Variants in RORA observed in about 807,000 individuals in gnomAD.
The protein encoded by RORA is RAR related orphan receptor A.
Under a neutral mutation model 69.5 loss-of-function variants are expected in RORA, and 7 were observed. The ratio of observed to expected loss-of-function variants is 0.10; its 90% CI spans 0.06 to 0.19. The LOEUF (loss-of-function observed/expected upper bound fraction) is 0.19, where lower values mean the gene tolerates loss of function less well. RORA is among the 10% of genes least tolerant of loss of function. The pLI is 1.00. For synonymous variants in RORA, 261 were observed against 240.8 expected (o/e 1.08, Z -0.78); for missense variants, 457 against 663.0 (o/e 0.69, Z 3.41).
intron 1 of RORA, among the ~76,000 whole-genome samples, chr15:60,906,745 G>A (rs898398913): frequency 5.9e-5 from 9 of 152,182 alleles, no homozygotes; most frequent in East Asian, 5.8e-4. Flanking sequence ...TGGATACTAC[G>A]GCCACGGTGG....
rs369406857 is a variant in RORA at position 60,572,164 on chromosome 15, A to G, written c.197-40313T>C. Among the ~76,000 whole-genome samples the G allele has an allele frequency of 1.4e-4, 21 of 152,348 alleles. No homozygotes were observed. In the East Asian group the frequency reaches 1.7e-3, roughly 13 times the overall value. ...TTTGGGAGCCTTACAATTACATAGC[A>G]AAGTTGAGTAGCTTTAAATGTAGAA... On this transcript the variant is annotated intron_variant, in intron 2 of 10. Coordinates refer to ENST00000335670, the MANE Select transcript of RORA (RefSeq NM_134261.3).
chr15:60,881,582 C>T (rs1452782726), intron 1 of RORA, among the ~76,000 whole-genome samples: 1 of 152,078 alleles, frequency 6.6e-6, no homozygotes, highest in Non-Finnish European at 1.5e-5. Flanking sequence ...TTTAGTAAAC[C>T]TCTAGCCTTT....
chr15:60,509,334 T>C (rs11071540), intron 5 of RORA, among the ~76,000 whole-genome samples: 148,588 of 152,296 alleles, frequency 0.98, 72,583 homozygotes, highest in Middle Eastern at 1. Context: ...TTAATTTATC[T>C]TGGTAAATAC....
chr15:60,575,240 T>C (rs2067992127), intron 2 of RORA, among the ~76,000 whole-genome samples: 1 of 152,230 alleles, frequency 6.6e-6, no homozygotes, highest in African/African-American at 2.4e-5. Flanking sequence ...CATCGTCTGA[T>C]TCACTTTTTC....
At chr15:60,816,961 A>AAAGCTATTTTT in intron 1 of RORA, among the ~76,000 whole-genome samples, 1 of 152,188 alleles carries the variant, frequency 6.6e-6, no homozygotes, top group African/African-American at 2.4e-5. Context: ...CTTTGTTATG[A>AAAGCTATTTTT]TTGCCATTTG....
chr15:60,931,045 T>C (rs569730863), intron 1 of RORA, among the ~76,000 whole-genome samples: 1 of 152,292 alleles, frequency 6.6e-6, no homozygotes, highest in African/African-American at 2.4e-5. Context: ...AAATGTGTAT[T>C]TTAAATGGCA....
chr15:60,547,945 C>T (rs1300927155), intron 2 of RORA: 1 of 152,184 alleles, frequency 6.6e-6, no homozygotes. Context: ...TACCTAATAA[C>T]ATAAATGACT....
At position 60,502,822 on chromosome 15, in the gene RORA, G is replaced by A. The variant is rs1191219556; in HGVS notation, c.1121C>T (p.Ser374Phe). Residue 374 changes from serine to phenylalanine, a missense_variant, in exon 8 of 11, where the codon TCT (serine) becomes TTT (phenylalanine). Ser to Phe is a radical substitution (Grantham distance 155). This residue lies in a region of RORA where 304 missense variants were observed against 447.4 expected (regional missense o/e 0.68). Transcript: ENST00000335670. The stretch of plus-strand genomic sequence containing the variant: ...ATCAAAGTACACGGTGTTGTTCTGA[G>A]AGTCAAAGGCACGGCACATTCTGAT... ...VFIRMCRAFD[S>F]QNNTVYFDGK... is the part of the protein sequence containing the mutation. 6.2e-7 allele frequency: 1 copy of A among 1,614,044 alleles called. No homozygotes were observed. The highest frequency in any genetic ancestry group is 8.5e-7 in the Non-Finnish European group (1 of 1,179,918).
At chr15:61,143,241 T>TA (rs1037946263) in intron 1 of RORA, among the ~76,000 whole-genome samples, 1 of 151,902 alleles carries the variant, frequency 6.6e-6, no homozygotes, top group Non-Finnish European at 1.5e-5. Flanking sequence ...GGCATATATT[T>TA]AAAAAAATAA....
At chr15:60,727,309 C>T (rs1044011194) in intron 1 of RORA, among the ~76,000 whole-genome samples, 1 of 152,104 alleles carries the variant, frequency 6.6e-6, no homozygotes, top group Non-Finnish European at 1.5e-5. Flanking sequence ...TTGGAATATC[C>T]CACGGTTGCA....
intron 1 of RORA, among the ~76,000 whole-genome samples, chr15:61,218,821 G>C (rs775104586): frequency 2.0e-5 from 3 of 152,086 alleles, no homozygotes; most frequent in Non-Finnish European, 4.4e-5. Flanking sequence ...TACTTTTCTA[G>C]TGCAACATGA....
intron 1 of RORA, among the ~76,000 whole-genome samples, chr15:60,949,365 TCA>T (rs767634097): frequency 5.3e-5 from 8 of 152,100 alleles, no homozygotes; most frequent in Non-Finnish European, 1.0e-4. Context: ...ATAAAACCTC[TCA>T]ATATGGAGCT....
At chr15:61,171,153 C>G (rs2079581536) in intron 1 of RORA, among the ~76,000 whole-genome samples, 1 of 152,180 alleles carries the variant, frequency 6.6e-6, no homozygotes, top group Non-Finnish European at 1.5e-5. Context: ...CAAAACTACA[C>G]CAGACCTGCC....
intron 1 of RORA, among the ~76,000 whole-genome samples, chr15:61,045,964 C>T (rs1337976808): frequency 6.6e-6 from 1 of 152,202 alleles, no homozygotes; most frequent in Non-Finnish European, 1.5e-5. Flanking sequence ...CTCCCCCAGA[C>T]ATCTGCAACC....
At chr15:61,219,220 C>G (rs1186186076) in intron 1 of RORA, among the ~76,000 whole-genome samples, 1 of 152,166 alleles carries the variant, frequency 6.6e-6, no homozygotes, top group Non-Finnish European at 1.5e-5. Context: ...GCCAAAATAA[C>G]CCATGCTTAA....
chr15:60,687,460 C>G (rs1421845873), intron 1 of RORA, among the ~76,000 whole-genome samples: 1 of 152,170 alleles, frequency 6.6e-6, no homozygotes, highest in Non-Finnish European at 1.5e-5. Flanking sequence ...TTGGTGATTG[C>G]TGGATAAAAG....
intron 3 of RORA, among the ~76,000 whole-genome samples, chr15:60,525,727 G>A (rs1363241277): frequency 6.6e-6 from 1 of 152,206 alleles, no homozygotes; most frequent in Non-Finnish European, 1.5e-5. Context: ...TGAAGTGGGT[G>A]TATGTCTACC....
chr15:60,756,418 G>C (rs2071802369), intron 1 of RORA, among the ~76,000 whole-genome samples: 1 of 152,174 alleles, frequency 6.6e-6, no homozygotes, highest in South Asian at 2.1e-4. Flanking sequence ...GAATTCTGAA[G>C]TAAAATTTGA....
rs1567052722 is a variant in RORA at position 60,516,233 on chromosome 15, ATT to A, written c.283-1478_283-1477del. Among the ~76,000 whole-genome samples the A allele has an allele frequency of 2.3e-3, 146 of 62,244 alleles. 5 individuals carry two copies. The highest frequency in any genetic ancestry group is 0.013 in the African/African-American group (137 of 10,458). 40.8% of individuals were successfully genotyped at this position (62,244 alleles called of 152,430 possible). A position where few individuals can be genotyped will look rare whatever the true frequency, so the allele number is the denominator to read the frequency against. ...TTTATATATATATATTTATATATATATTTATATATATATATTTATATATATAT... is the reference window on the plus strand; with the variant it reads ...TTTATATATATATATTTATATATATATATATATATATATTTATATATATAT... On this transcript the variant is annotated intron_variant, in intron 3 of 10. Transcript: ENST00000335670.
Sources: allele counts gnomAD v4.1 joint callset (sites outside exome capture counted in the v4.1 genomes callset), GRCh38; gene constraint gnomAD v4.1.1; regional missense constraint gnomAD v4.1.1; transcripts MANE v1.5; gene names NCBI Gene and HGNC (gene_info 2026-07-23, HGNC 2026-07-21).